The following NBPF26 variants were observed in gnomAD, a reference collection of about 807,000 sequenced individuals.
NBPF26 encodes NBPF family member NBPF26.
In NBPF26, 79 loss-of-function variants were observed where a neutral mutation model predicts 119.6. The ratio of observed to expected loss-of-function variants is 0.66; its 90% CI spans 0.55 to 0.80. The LOEUF is 0.80. Among genes scored for constraint, NBPF26 ranks in the 30% least tolerant of loss-of-function variants. NBPF26 has a pLI of 0.00. For missense variants in NBPF26, 800 were observed against 1,198.2 expected (o/e 0.67, Z 4.91); for synonymous variants, 299 against 457.7 (o/e 0.65, Z 4.43).
At position 120,770,405 on chromosome 1, in the gene NBPF26, A is replaced by G. The variant is rs1369967146; in HGVS notation, c.155+6696A>G. ...AGGATGGTCTCTATCTCCTGACCTC[A>G]TGATCTGCCCGCCTCGGCCTCCCAA... On this transcript the variant is annotated intron_variant, in intron 2 of 29. Coordinates refer to ENST00000620612, the Ensembl canonical transcript of NBPF26. Among the ~76,000 whole-genome samples, 2 of 110,852 alleles carry G rather than the reference A, an allele frequency of 1.8e-5. 1 individual carries two copies. The highest frequency in any genetic ancestry group is 3.4e-5 in the Non-Finnish European group (2 of 59,128). 72.7% of individuals were successfully genotyped at this position (110,852 alleles called of 152,430 possible).
At chr1:120,833,351 T>C (rs1311386638) in intron 23 of NBPF26, among the ~76,000 whole-genome samples, 3 of 12,296 alleles carry the variant, frequency 2.4e-4, no homozygotes, top group Non-Finnish European at 3.7e-4. Context: ...ACCTGGCCAA[T>C]TCACTAGGTC....
In NBPF26 at chr1:120,811,034, A is replaced by T. The variant is rs1295678178; in HGVS notation, c.1564+476A>T. ...GGCGGGTGGATCATGAGGTCAGGAG[A>T]TTGAGACCATCCTGGCTAACACGGT... On this transcript the variant is annotated intron_variant, in intron 9 of 29. Coordinates refer to ENST00000620612, the Ensembl canonical transcript of NBPF26. 2.0e-5 allele frequency among the ~76,000 whole-genome samples: 2 copies of T among 101,154 alleles called. 1 individual carries two copies. The highest frequency in any genetic ancestry group is 3.7e-5 in the Non-Finnish European group (2 of 53,446). The allele number at this position is 101,154 out of a possible 152,430, so 66.4% of individuals were successfully genotyped here. A position where few individuals can be genotyped will look rare whatever the true frequency, so the allele number is the denominator to read the frequency against.
At position 120,801,931 on chromosome 1, in the gene NBPF26, T is replaced by C. The variant is rs1223427310; in HGVS notation, c.752-3625T>C. On this transcript the variant is annotated intron_variant, in intron 4 of 29. Coordinates refer to ENST00000620612, the Ensembl canonical transcript of NBPF26. ...AGGAAATGTATTAGATGAAAGAAGT[T>C]AAATTCCAGTTCTCCTTTTTTCAGA... Among the ~76,000 whole-genome samples the C allele has an allele frequency of 2.5e-4, 27 of 108,790 alleles. 4 individuals are homozygous for C. Among genetic ancestry groups the C allele is most frequent in the Non-Finnish European group, 4.0e-4 (23 of 58,068 alleles). The allele number at this position is 108,790 out of a possible 152,430, so 71.4% of individuals were successfully genotyped here.
intron 4 of NBPF26, among the ~76,000 whole-genome samples, chr1:120,804,272 G>A (rs1651623710): frequency 9.3e-6 from 1 of 107,082 alleles, no homozygotes; most frequent in South Asian, 2.7e-4. Flanking sequence ...CGAAGAGGTG[G>A]TTCAGAGGAT....
intron 9 of NBPF26, among the ~76,000 whole-genome samples, chr1:120,811,650 A>T (rs1429088606): frequency 1.8e-5 from 2 of 113,974 alleles, no homozygotes; most frequent in Non-Finnish European, 3.4e-5. Flanking sequence ...GCCTTGCTTT[A>T]TAGAAACGTA....
rs1395991738 is a variant in NBPF26, at chr1:120,790,748, C to T, written c.416-2413C>T. Among the ~76,000 whole-genome samples, 16 of 109,992 alleles carry T rather than the reference C, an allele frequency of 1.5e-4. 5 individuals carry two copies. Among genetic ancestry groups the T allele is most frequent in the African/African-American group, 8.0e-4 (14 of 17,568 alleles). 72.2% of individuals were successfully genotyped at this position (109,992 alleles called of 152,430 possible). On this transcript the variant is annotated intron_variant, in intron 3 of 29. Transcript: ENST00000620612. ...CCAGGTAGCTGGGATTACAGGTATGCGCTATGAAGCCCGGCTAATTTTTGT... is the reference window on the plus strand; with the variant it reads ...CCAGGTAGCTGGGATTACAGGTATGTGCTATGAAGCCCGGCTAATTTTTGT...
intron 1 of NBPF26, among the ~76,000 whole-genome samples, chr1:120,763,260 T>G: frequency 1.5e-5 from 1 of 65,038 alleles, no homozygotes; most frequent in East Asian, 3.5e-4. Context: ...ATCTAGCATT[T>G]TCCTAAACAC....
intron 1 of NBPF26, among the ~76,000 whole-genome samples, chr1:120,727,744 G>A (rs1650831081): frequency 8.7e-6 from 1 of 114,752 alleles, no homozygotes; most frequent in Non-Finnish European, 1.7e-5. Flanking sequence ...GTCTCAGTTC[G>A]AATGCCTAAA....
In NBPF26 at chr1:120,814,727, G is replaced by T. The variant is rs1342466325; in HGVS notation, c.1878-102G>T. On this transcript the variant is annotated intron_variant, in intron 11 of 29. Coordinates refer to ENST00000620612, the Ensembl canonical transcript of NBPF26. The stretch of plus-strand genomic sequence containing the variant: ...TAAACATGTGCTGACCTTCTGCTTC[G>T]AGGTCTCCTTGAGGACATTGTCTCA... 17 of 668,474 alleles carry T rather than the reference G, an allele frequency of 2.5e-5. 3 individuals carry two copies. The highest frequency in any genetic ancestry group is 8.0e-5 in the African/African-American group (3 of 37,310). 41.4% of individuals were successfully genotyped at this position (668,474 alleles called of 1,614,324 possible).
At chr1:120,724,656 G>A (rs1295039260) in intron 1 of NBPF26, among the ~76,000 whole-genome samples, 1 of 123,550 alleles carries the variant, frequency 8.1e-6, no homozygotes, top group Non-Finnish European at 1.6e-5. Flanking sequence ...GCCAGATTCT[G>A]GCGTGGAGAG....
intron 11 of NBPF26, among the ~76,000 whole-genome samples, 181 bp from the exon 12 acceptor site, chr1:120,814,648 A>G (rs1238761579): frequency 1.6e-5 from 2 of 123,694 alleles, no homozygotes; most frequent in Non-Finnish European, 3.3e-5. Context: ...TCTCTGATTC[A>G]GAGGAAGCCT....
At chr1:120,759,256 A>G (rs1246600071) in intron 1 of NBPF26, among the ~76,000 whole-genome samples, 1 of 48,662 alleles carries the variant, frequency 2.1e-5, no homozygotes, top group African/African-American at 2.0e-4. Context: ...GAAATCTACT[A>G]CTTCTTTTTG....
rs1384341887 is a variant in NBPF26 at position 120,812,206 on chromosome 1, A to G, written c.1774+111A>G. 2.6e-5 allele frequency: 20 copies of G among 774,980 alleles called. 2 individuals carry two copies. The highest frequency in any genetic ancestry group is 4.1e-5 in the Non-Finnish European group (20 of 490,570). 48.0% of individuals were successfully genotyped at this position (774,980 alleles called of 1,614,324 possible). ...ATAATGTCATCCTCCCCGTACTTCTAGGAAAACAGAAATGGGTATTTTAAC... is the reference window on the plus strand; with the variant it reads ...ATAATGTCATCCTCCCCGTACTTCTGGGAAAACAGAAATGGGTATTTTAAC... On this transcript the variant is annotated intron_variant, in intron 10 of 29. Transcript: ENST00000620612.
rs1349685975 is a variant in NBPF26 at position 120,801,666 on chromosome 1, T to A, written c.752-3890T>A. On this transcript the variant is annotated intron_variant, in intron 4 of 29. Transcript: ENST00000620612. ...GCAACATAGCAAGACCTTGTCTCCA[T>A]GAAAAATAAAAAACTAGCCAGAAAT... 4.7e-5 allele frequency among the ~76,000 whole-genome samples: 5 copies of A among 106,284 alleles called. 2 individuals are homozygous for A. The highest frequency in any genetic ancestry group is 8.7e-5 in the Non-Finnish European group (5 of 57,194). 69.7% of individuals were successfully genotyped at this position (106,284 alleles called of 152,430 possible).
chr1:120,812,565 TGAGGGGCTTC>T, intron 10 of NBPF26, among the ~76,000 whole-genome samples: 1 of 28,364 alleles, frequency 3.5e-5, no homozygotes, highest in Middle Eastern at 6.1e-3. Context: ...GTACCTGCTC[TGAGGGGCTTC>T]AAGAGGAGTC....
At chr1:120,819,380 T>C (rs1470306847) in intron 15 of NBPF26, among the ~76,000 whole-genome samples, 2 of 111,384 alleles carry the variant, frequency 1.8e-5, no homozygotes, top group South Asian at 2.7e-4. Context: ...TGTCTCTGCA[T>C]GTGAGATGGG....
chr1:120,793,415 C>A, exon 4 of NBPF26: 1 of 1,442,322 alleles, frequency 6.9e-7, no homozygotes, highest in Non-Finnish European at 9.3e-7. Flanking sequence ...ACTGTATGTG[C>A]CCTGTGCACA....
At chr1:120,756,021 G>A in intron 1 of NBPF26, among the ~76,000 whole-genome samples, 1 of 105,154 alleles carries the variant, frequency 9.5e-6, no homozygotes, top group East Asian at 2.3e-4. Flanking sequence ...TTATTTAAAT[G>A]TACCACTTGG....
Position 120,811,911 on chromosome 1 carries a change from A to G in NBPF26, c.1590A>G (p.Thr530=), listed in dbSNP as rs1373919070. Residue 530 remains threonine, a synonymous_variant, in exon 10 of 30, where the codon ACA becomes ACG. Coordinates refer to ENST00000620612, the Ensembl canonical transcript of NBPF26. ...TCCCTGGCCCCACCTCTTCTGCCAC[A>G]AACGTCAGCATGGTGGTATCAGCCG... The G allele has an allele frequency of 1.9e-6, 2 of 1,074,174 alleles. 1 individual carries two copies. The highest frequency in any genetic ancestry group is 2.7e-6 in the Non-Finnish European group (2 of 747,480). The allele number at this position is 1,074,174 out of a possible 1,614,324, so 66.5% of individuals were successfully genotyped here. A position where few individuals can be genotyped will look rare whatever the true frequency, so the allele number is the denominator to read the frequency against.
Sources: gnomAD v4.1 joint callset for allele counts (sites outside exome capture counted in the v4.1 genomes callset) on GRCh38, gnomAD v4.1.1 for gene constraint, MANE v1.5 for transcripts, NCBI Gene and HGNC (gene_info 2026-07-23, HGNC 2026-07-21) for gene names.